The following BICDL1 variants were observed in gnomAD, a reference collection of about 807,000 sequenced individuals.
The protein encoded by BICDL1 is BICD family-like cargo adapter 1.
BICDL1 carries 20 observed loss-of-function variants against 76.8 expected under a neutral mutation model. That is an observed-to-expected ratio of 0.26 (90% confidence interval 0.18 to 0.38). BICDL1 has a LOEUF of 0.38. BICDL1 is among the 10% of genes least tolerant of loss of function. The pLI is 1.00. For missense variants in BICDL1, 700 were observed against 798.6 expected, an observed-to-expected ratio of 0.88 and a Z score of 1.49; for synonymous variants, 383 against 337.1, an observed-to-expected ratio of 1.14 and a Z score of -1.49.
chr12:120,062,761 G>A (rs1192173561), intron 3 of BICDL1, among the ~76,000 whole-genome samples: 1 of 152,122 alleles, frequency 6.6e-6, no homozygotes, highest in Non-Finnish European at 1.5e-5. Flanking sequence ...GCAGGTCCTT[G>A]AAGTAAGTAG....
At chr12:120,090,883 T>G in intron 9 of BICDL1, 1 of 1,288,736 alleles carries the variant, frequency 7.8e-7, no homozygotes, top group African/African-American at 1.5e-5. Context: ...GGCTGACCGC[T>G]GCTCTCTCTC....
chr12:120,073,519 A>G (rs1222890151), intron 6 of BICDL1, among the ~76,000 whole-genome samples: 1 of 152,174 alleles, frequency 6.6e-6, no homozygotes, highest in African/African-American at 2.4e-5. Context: ...GCCTTTTAGA[A>G]TCCTAGATGT....
chr12:120,091,342 C>T (rs1566274784), intron 9 of BICDL1: 2 of 1,001,592 alleles, frequency 2.0e-6, no homozygotes, highest in Non-Finnish European at 2.4e-6. Context: ...GACCTGATTG[C>T]TTAAAGTTAA....
Position 120,093,936 on chromosome 12 carries a change from G to A in BICDL1, c.*775G>A. The A allele has an allele frequency of 3.1e-6, 1 of 319,546 alleles. No homozygotes were observed. Among genetic ancestry groups the A allele is most frequent in the South Asian group, 2.6e-5 (1 of 39,018 alleles). The allele number at this position is 319,546 out of a possible 1,614,324, so 19.8% of individuals were successfully genotyped here. On this transcript the variant is annotated 3_prime_UTR_variant, in exon 10 of 10. Transcript: ENST00000548673. ...GCCCTTTCCCCTGCTCAGGGCTGGG[G>A]TTGGACGGGGTCTCCTCCTCCCACA...
At chr12:120,053,125 G>A (rs1347678021) in intron 2 of BICDL1, among the ~76,000 whole-genome samples, 1 of 151,734 alleles carries the variant, frequency 6.6e-6, no homozygotes, top group Admixed American at 6.6e-5. Context: ...TGTTGCCCAG[G>A]CTAGAGTGCA....
At chr12:120,025,226 AT>A in intron 2 of BICDL1, among the ~76,000 whole-genome samples, 1 of 150,910 alleles carries the variant, frequency 6.6e-6, no homozygotes, top group South Asian at 2.1e-4. Context: ...AATTTTTTGT[AT>A]TTTTAGTAGA....
intron 2 of BICDL1, among the ~76,000 whole-genome samples, chr12:120,049,666 C>T (rs1391462676): frequency 6.6e-6 from 1 of 152,162 alleles, no homozygotes; most frequent in South Asian, 2.1e-4. Context: ...ATTATCTCAT[C>T]AAGTATTGCC....
At chr12:120,073,024 C>G (rs903217192) in intron 6 of BICDL1, among the ~76,000 whole-genome samples, 2 of 152,200 alleles carry the variant, frequency 1.3e-5, no homozygotes, top group Admixed American at 1.3e-4. Context: ...GCGTGCACCA[C>G]CAACCACACC....
In BICDL1 at chr12:120,093,689, G is replaced by A. The variant is rs986412538; in HGVS notation, c.*528G>A. 6 of 170,402 alleles carry A rather than the reference G, an allele frequency of 3.5e-5. No homozygotes were observed. Among genetic ancestry groups the A allele is most frequent in the South Asian group, 2.6e-4 (2 of 7,824 alleles). 10.6% of individuals were successfully genotyped at this position (170,402 alleles called of 1,614,324 possible). On this transcript the variant is annotated 3_prime_UTR_variant, in exon 10 of 10. Transcript: ENST00000548673. ...AAGGAGAGATGGCAGCCCCTCCCCC[G>A]CATGCATGCACCTCAGCTGGCAGGA...
chr12:120,053,331 G>A (rs998516538), intron 2 of BICDL1, among the ~76,000 whole-genome samples: 7 of 152,220 alleles, frequency 4.6e-5, no homozygotes, highest in Admixed American at 3.3e-4. Flanking sequence ...TGATCCACCC[G>A]CCTCGGCCTT....
rs73410834 is a variant in BICDL1 at position 120,077,760 on chromosome 12, A to G, written c.1453-3127A>G. ...ACCTGCATCCTTTCACACCCTGGCT[A>G]TGGTCACCACTTCCCAATTTATCTG... is the stretch of plus-strand genomic sequence containing the variant. On this transcript the variant is annotated intron_variant, in intron 7 of 9. Coordinates refer to ENST00000548673, the MANE Select transcript of BICDL1 (RefSeq NM_001367886.1). 3.3e-3 allele frequency among the ~76,000 whole-genome samples: 497 copies of G among 152,152 alleles called. 3 individuals are homozygous for G. Among genetic ancestry groups the G allele is most frequent in the African/African-American group, 0.011 (472 of 41,502 alleles).
intron 2 of BICDL1, among the ~76,000 whole-genome samples, chr12:120,004,030 C>T (rs1197532361): frequency 1.3e-5 from 2 of 152,144 alleles, no homozygotes; most frequent in East Asian, 3.8e-4. Context: ...AAGGAGGCAG[C>T]CAGAGGTTCT....
chr12:120,014,436 G>A (rs2057466148), intron 2 of BICDL1, among the ~76,000 whole-genome samples: 1 of 152,196 alleles, frequency 6.6e-6, no homozygotes. Context: ...GCTCACGTCT[G>A]TAATCTCAGC....
chr12:120,055,512 G>A (rs1318095097), intron 2 of BICDL1, among the ~76,000 whole-genome samples: 1 of 152,174 alleles, frequency 6.6e-6, no homozygotes, highest in Non-Finnish European at 1.5e-5. Context: ...CTGTTACTTT[G>A]TTTTGCCAAC....
chr12:120,028,277 A>G (rs1295821620), intron 2 of BICDL1, among the ~76,000 whole-genome samples: 2 of 152,074 alleles, frequency 1.3e-5, no homozygotes, highest in Non-Finnish European at 1.5e-5. Flanking sequence ...AAGAAAATAT[A>G]TCTAATTTTG....
intron 2 of BICDL1, among the ~76,000 whole-genome samples, chr12:120,007,739 G>T (rs1951876833): frequency 6.6e-6 from 1 of 152,166 alleles, no homozygotes; most frequent in Non-Finnish European, 1.5e-5. Flanking sequence ...CTCTGCGTCT[G>T]GTACACTTCT....
intron 2 of BICDL1, among the ~76,000 whole-genome samples, chr12:120,013,744 G>A (rs557383997): frequency 6.6e-6 from 1 of 152,266 alleles, no homozygotes; most frequent in African/African-American, 2.4e-5. Context: ...TTACAGGCGT[G>A]AGCCACCGTG....
chr12:120,027,100 G>A (rs371573530), intron 2 of BICDL1, among the ~76,000 whole-genome samples: 9 of 144,230 alleles, frequency 6.2e-5, no homozygotes, highest in East Asian at 6.0e-4. Context: ...GCGCAATCTC[G>A]GCTCACTGCA....
intron 2 of BICDL1, among the ~76,000 whole-genome samples, chr12:120,006,900 G>T (rs185083666): frequency 1.1e-3 from 170 of 152,218 alleles, no homozygotes; most frequent in African/African-American, 3.7e-3. Flanking sequence ...GTTACTCTAG[G>T]AGGATGGATT....
Sources: gnomAD v4.1 joint callset for allele counts (sites outside exome capture counted in the v4.1 genomes callset) on GRCh38, gnomAD v4.1.1 for gene constraint, MANE v1.5 for transcripts, NCBI Gene and HGNC (gene_info 2026-07-23, HGNC 2026-07-21) for gene names.